RALYL: variants seen among roughly 807,000 people sequenced by gnomAD.
RALYL encodes RNA-binding Raly-like protein.
Under a neutral mutation model 35.1 loss-of-function variants are expected in RALYL, and 29 were observed. That is an observed-to-expected ratio of 0.83 (90% CI 0.61 to 1.13). The LOEUF (loss-of-function observed/expected upper bound fraction) is 1.13. RALYL is among the 50% of genes most tolerant of loss of function. RALYL has a pLI of 0.00. For synonymous variants in RALYL, 120 were observed against 127.6 expected (o/e 0.94, Z 0.40); for missense variants, 359 against 360.4 (o/e 1.00, Z 0.03).
chr8:84,425,783 CTGTGTG>C lies in RALYL; in HGVS notation c.-23-103480_-23-103475del, dbSNP rs1554662152. Among the ~76,000 whole-genome samples, 698 of 144,572 alleles carry C rather than the reference CTGTGTG, an allele frequency of 4.8e-3. 4 individuals carry two copies. The highest frequency in any genetic ancestry group is 0.013 in the African/African-American group (515 of 38,926). 94.8% of individuals were successfully genotyped at this position (144,572 alleles called of 152,430 possible). ...AATTTTTAGAAAGCCAGTTTTTCTT[CTGTGTG>C]TGTGTGTGTGTGTGTGTGTGTGTGT... On this transcript the variant is annotated intron_variant, in intron 1 of 8. Transcript: ENST00000521268.
At chr8:84,420,163 C>T (rs908750917) in intron 1 of RALYL, among the ~76,000 whole-genome samples, 12 of 152,042 alleles carry the variant, frequency 7.9e-5, no homozygotes, top group African/African-American at 2.9e-4. Flanking sequence ...GTCCCAGCAA[C>T]AGTGTAAAAG....
At chr8:84,231,772 C>A (rs1342239182) in intron 1 of RALYL, among the ~76,000 whole-genome samples, 6 of 152,074 alleles carry the variant, frequency 3.9e-5, no homozygotes, top group Non-Finnish European at 7.4e-5. Context: ...TCATTACATC[C>A]TTTTCAAGTG....
intron 8 of RALYL, among the ~76,000 whole-genome samples, chr8:84,912,255 T>C (rs1478812497): frequency 1.3e-5 from 2 of 152,028 alleles, no homozygotes; most frequent in Non-Finnish European, 2.9e-5. Context: ...AGAAGCTCTG[T>C]ACAAAAACCA....
At chr8:84,580,843 T>C (rs1444616908) in intron 2 of RALYL, among the ~76,000 whole-genome samples, 1 of 150,832 alleles carries the variant, frequency 6.6e-6, no homozygotes, top group Non-Finnish European at 1.5e-5. Flanking sequence ...GGTCAGGATA[T>C]GAAAAGGCAG....
At chr8:84,686,061 GT>G (rs562658330) in intron 2 of RALYL, among the ~76,000 whole-genome samples, 8 of 152,152 alleles carry the variant, frequency 5.3e-5, no homozygotes, top group Non-Finnish European at 7.4e-5. Flanking sequence ...AGCTGGTGCA[GT>G]TTTTTTGCAT....
intron 1 of RALYL, among the ~76,000 whole-genome samples, chr8:84,402,314 T>A (rs1191553120): frequency 1.3e-5 from 2 of 152,194 alleles, no homozygotes; most frequent in Non-Finnish European, 2.9e-5. Context: ...TGTAGTTAAT[T>A]CACTATAAGA....
At chr8:84,718,167 T>C (rs1162633306) in intron 2 of RALYL, among the ~76,000 whole-genome samples, 1 of 152,156 alleles carries the variant, frequency 6.6e-6, no homozygotes, top group Non-Finnish European at 1.5e-5. Context: ...TCAATCAGAT[T>C]ATTACCAAAT....
At chr8:84,623,498 G>GT (rs1182576577) in intron 2 of RALYL, among the ~76,000 whole-genome samples, 1 of 152,128 alleles carries the variant, frequency 6.6e-6, no homozygotes, top group South Asian at 2.1e-4. Context: ...GTTACCAACA[G>GT]TAAGTAGAAT....
intron 1 of RALYL, among the ~76,000 whole-genome samples, chr8:84,524,234 G>T (rs2058704898): frequency 1.3e-5 from 2 of 152,046 alleles, no homozygotes; most frequent in Admixed American, 1.3e-4. Flanking sequence ...AATCTACAAT[G>T]AACTCAAACA....
chr8:84,417,806 A>C (rs1361432063), intron 1 of RALYL, among the ~76,000 whole-genome samples: 1 of 152,108 alleles, frequency 6.6e-6, no homozygotes, highest in Non-Finnish European at 1.5e-5. Context: ...CAATTCCAGA[A>C]AACTCCTAGC....
chr8:84,570,659 G>T (rs956669525), intron 2 of RALYL, among the ~76,000 whole-genome samples: 2 of 151,694 alleles, frequency 1.3e-5, no homozygotes, highest in African/African-American at 4.8e-5. Context: ...TGCCAGTCTT[G>T]TGCCAGTTCT....
intron 2 of RALYL, among the ~76,000 whole-genome samples, chr8:84,702,482 G>C (rs950465122): frequency 6.6e-6 from 1 of 151,794 alleles, no homozygotes; most frequent in African/African-American, 2.4e-5. Flanking sequence ...AGAAGATTAT[G>C]TGACATAATG....
In RALYL at chr8:84,408,868, C is replaced by T. The variant is rs537571262; in HGVS notation, c.-23-120431C>T. On this transcript the variant is annotated intron_variant, in intron 1 of 8. Coordinates refer to ENST00000521268, the MANE Select transcript of RALYL (RefSeq NM_173848.7). ...TAAATTTAACTAGATTTTCCATATTCTGTTTGCTAAATATGGCAGCACTAC... is the reference window on the plus strand; with the variant it reads ...TAAATTTAACTAGATTTTCCATATTTTGTTTGCTAAATATGGCAGCACTAC... Among the ~76,000 whole-genome samples the T allele has an allele frequency of 5.3e-5, 8 of 152,144 alleles. No homozygotes were observed. In the South Asian group the frequency reaches 1.7e-3, roughly 32 times the overall value.
At chr8:84,703,292 C>A (rs115079340) in intron 2 of RALYL, among the ~76,000 whole-genome samples, 1 of 152,060 alleles carries the variant, frequency 6.6e-6, no homozygotes, top group East Asian at 1.9e-4. Context: ...TGCACTGAGG[C>A]GAGAAAAGTA....
At chr8:84,614,190 T>C (rs1818925116) in intron 2 of RALYL, among the ~76,000 whole-genome samples, 1 of 151,704 alleles carries the variant, frequency 6.6e-6, no homozygotes, top group Non-Finnish European at 1.5e-5. Context: ...AAGAACTCAG[T>C]AAGCCTTAGC....
At chr8:84,309,787 T>G (rs1455730085) in intron 1 of RALYL, among the ~76,000 whole-genome samples, 5 of 152,050 alleles carry the variant, frequency 3.3e-5, no homozygotes, top group African/African-American at 1.2e-4. Flanking sequence ...TAAGTGGGTG[T>G]TTGTTTGTTT....
At chr8:84,321,762 A>G (rs2130414394) in intron 1 of RALYL, among the ~76,000 whole-genome samples, 1 of 152,272 alleles carries the variant, frequency 6.6e-6, no homozygotes, top group East Asian at 1.9e-4. Flanking sequence ...CTTACCACAC[A>G]TCAACAAAGC....
chr8:84,425,783 C>CTATGTGTGTATGTG (rs372367035), intron 1 of RALYL, among the ~76,000 whole-genome samples: 53 of 144,598 alleles, frequency 3.7e-4, no homozygotes, highest in African/African-American at 1.2e-3. Context: ...AGTTTTTCTT[C>CTATGTGTGTATGTG]TGTGTGTGTG....
At chr8:84,262,930 G>T (rs1407662404) in intron 1 of RALYL, among the ~76,000 whole-genome samples, 1 of 152,088 alleles carries the variant, frequency 6.6e-6, no homozygotes, top group Non-Finnish European at 1.5e-5. Flanking sequence ...AAATCAATTG[G>T]AAAGGTACCT....
Sources: gnomAD v4.1 joint callset for allele counts (sites outside exome capture counted in the v4.1 genomes callset) on GRCh38, gnomAD v4.1.1 for gene constraint, MANE v1.5 for transcripts, NCBI Gene and HGNC (gene_info 2026-07-23, HGNC 2026-07-21) for gene names.